Variants in NOSTRIN observed in about 807,000 individuals in gnomAD.
The protein encoded by NOSTRIN is BM247 homolog.
A neutral mutation model predicts 59.0 loss-of-function variants in NOSTRIN; 63 were observed. The ratio of observed to expected loss-of-function variants is 1.07; its 90% CI spans 0.87 to 1.32. The LOEUF (loss-of-function observed/expected upper bound fraction) is 1.32, where lower values mean the gene tolerates loss of function less well. NOSTRIN is among the 40% of genes most tolerant of loss of function. The pLI, the probability that NOSTRIN is intolerant of heterozygous loss-of-function variation, is 0.00. For missense variants in NOSTRIN, 512 were observed against 473.1 expected, an observed-to-expected ratio of 1.08 and a Z score of -0.76; for synonymous variants, 200 against 165.4, an observed-to-expected ratio of 1.21 and a Z score of -1.61.
intron 7 of NOSTRIN, among the ~76,000 whole-genome samples, chr2:168,834,541 A>ACACACACACACACACACACACACACC (rs58702721): frequency 2.8e-5 from 4 of 140,362 alleles, no homozygotes; most frequent in African/African-American, 5.3e-5. Context: ...ACACACACAC[A>ACACACACACACACACACACACACACC]CCACATACAT....
At chr2:168,839,884 CAAAAAAA>C (rs58341006) in intron 7 of NOSTRIN, among the ~76,000 whole-genome samples, 1 of 31,164 alleles carries the variant, frequency 3.2e-5, no homozygotes, top group Non-Finnish European at 4.7e-5. Flanking sequence ...GACTCCGTCT[CAAAAAAA>C]AAAAAAAAAA....
Position 168,860,799 on chromosome 2 carries a change from A to T in NOSTRIN, c.1184A>T (p.His395Leu). Reference protein sequence around the residue: ...NSIFRWREKEHTHSYVKISRP... With the variant: ...NSIFRWREKELTHSYVKISRP... ...CTTTTTATGTCATTTGAACAGGAGC[A>T]TACTCATAGCTATGTGAAAATATCT... The change falls in exon 14 of 16, where the codon CAT (histidine) becomes CTT (leucine). Residue 395 changes from histidine (H) to leucine (L), a missense_variant. Coordinates refer to ENST00000317647, the MANE Select transcript of NOSTRIN (RefSeq NM_001039724.4). 6.3e-7 allele frequency: 1 copy of T among 1,588,026 alleles called. No homozygotes were observed.
intron 2 of NOSTRIN, among the ~76,000 whole-genome samples, chr2:168,791,945 C>T (rs967682513): frequency 3.4e-4 from 51 of 152,202 alleles, no homozygotes; most frequent in African/African-American, 7.0e-4. Flanking sequence ...CCTGTTCACT[C>T]TGATGGTAGT....
chr2:168,851,494 T>C, intron 10 of NOSTRIN, 90 bp downstream of exon 10: 1 of 1,500,286 alleles, frequency 6.7e-7, no homozygotes, highest in Non-Finnish European at 8.9e-7. Context: ...GCAAATATCA[T>C]GTTTTATCAA....
chr2:168,853,497 G>A (rs1220808412), intron 10 of NOSTRIN, among the ~76,000 whole-genome samples: 1 of 152,208 alleles, frequency 6.6e-6, no homozygotes, highest in Non-Finnish European at 1.5e-5. Context: ...CAAATGTTAA[G>A]AGTTAAATGA....
chr2:168,810,946 C>T (rs909167120), intron 1 of NOSTRIN, among the ~76,000 whole-genome samples: 1 of 152,060 alleles, frequency 6.6e-6, no homozygotes, highest in Non-Finnish European at 1.5e-5. Context: ...CTCGTGTCCG[C>T]AGGATAAATT....
intron 5 of NOSTRIN, among the ~76,000 whole-genome samples, chr2:168,829,495 A>AT (rs1687245702): frequency 6.6e-6 from 1 of 151,816 alleles, no homozygotes; most frequent in East Asian, 1.9e-4. Flanking sequence ...TAATTTTTGT[A>AT]TTTTTAGTAG....
intron 2 of NOSTRIN, among the ~76,000 whole-genome samples, chr2:168,792,895 T>G (rs1376671524): frequency 2.0e-5 from 3 of 152,206 alleles, no homozygotes; most frequent in Non-Finnish European, 4.4e-5. Context: ...TGGTATTACT[T>G]CCATTTACAT....
upstream of NOSTRIN, among the ~76,000 whole-genome samples, chr2:168,801,475 G>A (rs992192648): frequency 2.6e-5 from 4 of 151,486 alleles, no homozygotes; most frequent in Non-Finnish European, 4.4e-5. Context: ...CTCTAGGCTC[G>A]GCCTCCCAAA....
intron 10 of NOSTRIN, among the ~76,000 whole-genome samples, chr2:168,854,528 C>T (rs934160490): frequency 6.6e-6 from 1 of 152,182 alleles, no homozygotes; most frequent in African/African-American, 2.4e-5. Flanking sequence ...AATGATTCCT[C>T]ATAGCCTATG....
chr2:168,860,395 G>A (rs1451448361), intron 13 of NOSTRIN, among the ~76,000 whole-genome samples: 2 of 152,170 alleles, frequency 1.3e-5, no homozygotes, highest in African/African-American at 4.8e-5. Context: ...TCCAGTCCAG[G>A]CGCAGTGGCT....
At chr2:168,810,885 G>A (rs147139526) in intron 1 of NOSTRIN, among the ~76,000 whole-genome samples, 25 of 152,276 alleles carry the variant, frequency 1.6e-4, no homozygotes, top group African/African-American at 6.0e-4. Flanking sequence ...TAGTTTCCAG[G>A]AAGACATTGT....
intron 2 of NOSTRIN, among the ~76,000 whole-genome samples, chr2:168,790,176 G>C (rs1685311152): frequency 6.6e-6 from 1 of 152,162 alleles, no homozygotes; most frequent in South Asian, 2.1e-4. Flanking sequence ...ATGATTGATT[G>C]TCTTTTGTAG....
At chr2:168,858,588 T>C (rs936520388) in intron 12 of NOSTRIN, among the ~76,000 whole-genome samples, 1 of 152,200 alleles carries the variant, frequency 6.6e-6, no homozygotes, top group African/African-American at 2.4e-5. Context: ...AAGAACTAGA[T>C]GTGCTCTATG....
chr2:168,788,889 A>AG (rs1685271612), intron 2 of NOSTRIN, among the ~76,000 whole-genome samples: 2 of 134,728 alleles, frequency 1.5e-5, no homozygotes, highest in Non-Finnish European at 3.2e-5. Context: ...ACACACAGAT[A>AG]AAAAGATAGA....
chr2:168,832,107 G>A (rs529801961), intron 6 of NOSTRIN, among the ~76,000 whole-genome samples: 34 of 152,216 alleles, frequency 2.2e-4, no homozygotes, highest in South Asian at 4.1e-4. Context: ...AAGGGGATGC[G>A]TATATCAATT....
intron 10 of NOSTRIN, among the ~76,000 whole-genome samples, chr2:168,852,781 A>G (rs1688848990): frequency 6.6e-6 from 1 of 152,080 alleles, no homozygotes. Flanking sequence ...ATGACCAGCT[A>G]TTTTTTACTG....
chr2:168,847,967 A>T (rs1688527199), intron 8 of NOSTRIN, among the ~76,000 whole-genome samples: 1 of 152,218 alleles, frequency 6.6e-6, no homozygotes, highest in East Asian at 1.9e-4. Flanking sequence ...TCTCAGATTG[A>T]TGCTAGTGGT....
At chr2:168,811,760 T>C (rs1686148905) in intron 2 of NOSTRIN, 108 bp downstream of exon 2, 2 of 532,154 alleles carry the variant, frequency 3.8e-6, no homozygotes, top group Non-Finnish European at 6.6e-6. Context: ...TGTGGTGTTA[T>C]ATTTTGGTAC....
Sources: gnomAD v4.1 joint callset for allele counts (sites outside exome capture counted in the v4.1 genomes callset) on GRCh38, gnomAD v4.1.1 for gene constraint, MANE v1.5 for transcripts, NCBI Gene and HGNC (gene_info 2026-07-23, HGNC 2026-07-21) for gene names.